The following SLC38A1 variants were observed in gnomAD, a reference collection of about 807,000 sequenced individuals.
SLC38A1 encodes the protein sodium-coupled neutral amino acid symporter 1.
Under a neutral mutation model 60.3 loss-of-function variants are expected in SLC38A1, and 18 were observed. The ratio of observed to expected loss-of-function variants is 0.30; its 90% CI spans 0.21 to 0.44. The LOEUF (loss-of-function observed/expected upper bound fraction) is 0.44. Ranked by LOEUF, SLC38A1 falls within the 20% of genes least tolerant of loss-of-function variation. The pLI is 1.00. For missense variants in SLC38A1, 448 were observed against 587.2 expected, an observed-to-expected ratio of 0.76 and a Z score of 2.45; for synonymous variants, 196 against 212.1, an observed-to-expected ratio of 0.92 and a Z score of 0.66.
chr12:46,190,475 G>A (rs1592055267), intron 16 of SLC38A1, among the ~76,000 whole-genome samples: 2 of 152,274 alleles, frequency 1.3e-5, no homozygotes, highest in East Asian at 3.9e-4. Flanking sequence ...TGGGTCAAAT[G>A]GTATTTCTAG....
rs1938962771 is a variant in SLC38A1 at position 46,187,082 on chromosome 12, C to T, written c.*1888G>A. 1 of 152,104 alleles carries T rather than the reference C, an allele frequency of 6.6e-6. No individual in the cohort carries two copies. The highest frequency in any genetic ancestry group is 1.5e-5 in the Non-Finnish European group (1 of 68,034). The allele number at this position is 152,104 out of a possible 1,614,324, so 9.4% of individuals were successfully genotyped here. A position where few individuals can be genotyped will look rare whatever the true frequency, so the allele number is the denominator to read the frequency against. On this transcript the variant is annotated 3_prime_UTR_variant, in exon 17 of 17. Transcript: ENST00000398637. ...CATATCCAAATATCTGAACTCTAAC[C>T]TAATGTGGATATGATTCTGTAGCAT...
At chr12:46,192,838 T>A (rs1939201492) in intron 16 of SLC38A1, among the ~76,000 whole-genome samples, 1 of 152,206 alleles carries the variant, frequency 6.6e-6, no homozygotes, top group South Asian at 2.1e-4. Flanking sequence ...TCTTTGTTAG[T>A]CTTGCTAGTG....
At position 46,188,062 on chromosome 12, in the gene SLC38A1, C is replaced by T. The variant is rs12414; in HGVS notation, c.*908G>A. The T allele has an allele frequency of 4.6e-4, 70 of 152,256 alleles. No homozygotes were observed. The highest frequency in any genetic ancestry group is 1.6e-3 in the African/African-American group (67 of 41,536). The allele number at this position is 152,256 out of a possible 1,614,324, so 9.4% of individuals were successfully genotyped here. The stretch of plus-strand genomic sequence containing the variant: ...ATGTACTAAAACATTTTTCTCCCTT[C>T]AGCAAGACAGGTAGGGTTGAAGGCT... On this transcript the variant is annotated 3_prime_UTR_variant, in exon 17 of 17. Transcript: ENST00000398637.
At chr12:46,248,103 G>A (rs1194828243) in intron 1 of SLC38A1, among the ~76,000 whole-genome samples, 8 of 152,124 alleles carry the variant, frequency 5.3e-5, no homozygotes, top group East Asian at 1.9e-4. Context: ...AAAGACCATC[G>A]ATGCTGTGAA....
chr12:46,214,915 G>T (rs1227743503), intron 5 of SLC38A1, among the ~76,000 whole-genome samples: 2 of 152,242 alleles, frequency 1.3e-5, no homozygotes, highest in African/African-American at 4.8e-5. Flanking sequence ...ACTTCTCCAG[G>T]ACCCATTCCT....
intron 16 of SLC38A1, chr12:46,195,852 T>C: frequency 3.1e-6 from 1 of 318,304 alleles, no homozygotes; most frequent in South Asian, 2.9e-5. Context: ...CCAGTTACAG[T>C]CTGTCATGGC....
chr12:46,247,765 A>G (rs139144478), intron 1 of SLC38A1, among the ~76,000 whole-genome samples: 221 of 152,346 alleles, frequency 1.5e-3, no homozygotes, highest in African/African-American at 5.1e-3. Context: ...GAAGGCAAAA[A>G]TGTTAAGGGC....
chr12:46,196,241 A>T (rs1265261303), intron 16 of SLC38A1: 2 of 1,535,972 alleles, frequency 1.3e-6, no homozygotes, highest in Non-Finnish European at 1.7e-6. Flanking sequence ...CTGAGAGCCA[A>T]CAGGGCTGGA....
intron 5 of SLC38A1, among the ~76,000 whole-genome samples, chr12:46,218,933 A>G (rs565524094): frequency 8.5e-5 from 13 of 152,182 alleles, no homozygotes; most frequent in Admixed American, 2.6e-4. Context: ...CAGCTGATAC[A>G]TGGAGTACAG....
intron 1 of SLC38A1, among the ~76,000 whole-genome samples, chr12:46,245,361 G>T (rs1478426242): frequency 6.6e-6 from 1 of 152,174 alleles, no homozygotes; most frequent in Non-Finnish European, 1.5e-5. Flanking sequence ...ATGTGAAAAG[G>T]TGCTCAACAT....
At chr12:46,226,569 C>A (rs1481402130) in intron 5 of SLC38A1, among the ~76,000 whole-genome samples, 1 of 148,160 alleles carries the variant, frequency 6.7e-6, no homozygotes, top group Non-Finnish European at 1.5e-5. Flanking sequence ...AGGAATTCAT[C>A]AACACAATAA....
chr12:46,197,593 A>G (rs1939440909), intron 16 of SLC38A1, 127 bp downstream of exon 16: 3 of 691,054 alleles, frequency 4.3e-6, no homozygotes, highest in Non-Finnish European at 7.7e-6. Flanking sequence ...CAAGTAGCAA[A>G]GCTACAGGGC....
At chr12:46,235,932 C>T (rs1431283074) in intron 3 of SLC38A1, among the ~76,000 whole-genome samples, 2 of 152,136 alleles carry the variant, frequency 1.3e-5, no homozygotes, top group Non-Finnish European at 2.9e-5. Flanking sequence ...ACTAATGTTT[C>T]ACCAAATTTA....
chr12:46,212,521 G>A (rs1940221108), intron 5 of SLC38A1, among the ~76,000 whole-genome samples: 1 of 152,210 alleles, frequency 6.6e-6, no homozygotes, highest in Admixed American at 6.5e-5. Context: ...TCTAGAGCAT[G>A]TAATTGTACA....
intron 5 of SLC38A1, among the ~76,000 whole-genome samples, chr12:46,210,780 C>A (rs1047524769): frequency 2.0e-5 from 3 of 152,160 alleles, no homozygotes; most frequent in African/African-American, 7.2e-5. Flanking sequence ...TGTTCGCCTT[C>A]CGCCATAATT....
At chr12:46,247,009 A>C (rs1229660390) in intron 1 of SLC38A1, among the ~76,000 whole-genome samples, 2 of 152,174 alleles carry the variant, frequency 1.3e-5, no homozygotes, top group African/African-American at 2.4e-5. Context: ...GGACATCCAC[A>C]CCAAAACCCC....
chr12:46,236,331 G>C (rs1258625302), intron 3 of SLC38A1, among the ~76,000 whole-genome samples: 2 of 152,106 alleles, frequency 1.3e-5, no homozygotes, highest in African/African-American at 2.4e-5. Flanking sequence ...TGGAACACTA[G>C]GCATAAATGG....
chr12:46,252,151 T>G (rs534424647), intron 1 of SLC38A1, among the ~76,000 whole-genome samples: 1 of 152,094 alleles, frequency 6.6e-6, no homozygotes, highest in Non-Finnish European at 1.5e-5. Flanking sequence ...TGGAATACTA[T>G]GCAGCCATAA....
intron 5 of SLC38A1, 124 bp from the exon 6 acceptor site, chr12:46,209,251 G>T: frequency 1.7e-6 from 1 of 593,068 alleles, no homozygotes. Flanking sequence ...TCCAAATTTT[G>T]GAACCTATTA....
Sources: allele counts gnomAD v4.1 joint callset (sites outside exome capture counted in the v4.1 genomes callset), GRCh38; gene constraint gnomAD v4.1.1; transcripts MANE v1.5; gene names NCBI Gene and HGNC (gene_info 2026-07-23, HGNC 2026-07-21).